CDKL5: variants seen among roughly 807,000 people sequenced by gnomAD.
CDKL5 encodes cyclin-dependent kinase-like 5.
CDKL5 carries 8 observed loss-of-function variants against 61.7 expected under a neutral mutation model. The ratio of observed to expected loss-of-function variants is 0.13; its 90% CI spans 0.08 to 0.23. The LOEUF is 0.23. Among genes scored for constraint, CDKL5 ranks in the 10% least tolerant of loss-of-function variants. CDKL5 has a pLI of 1.00. For synonymous variants in CDKL5, 275 were observed against 272.3 expected (o/e 1.01, Z -0.10); for missense variants, 440 against 734.5 (o/e 0.60, Z 4.63).
intron 1 of CDKL5, among the ~76,000 whole-genome samples, chrX:18,477,855 A>G (rs982748089): frequency 8.9e-6 from 1 of 112,332 alleles, no homozygotes; most frequent in African/African-American, 3.2e-5. Context: ...AAGGAGAGGA[A>G]GTATATATTT....
At chrX:18,613,730 C>G (rs1223728734) in intron 15 of CDKL5, among the ~76,000 whole-genome samples, 1 of 111,288 alleles carries the variant, frequency 9.0e-6, no homozygotes, top group Non-Finnish European at 1.9e-5. Flanking sequence ...AGAAGGGAGC[C>G]AGGGTTCAAA....
intron 1 of CDKL5, among the ~76,000 whole-genome samples, chrX:18,451,603 A>G (rs1420070786): frequency 9.0e-6 from 1 of 111,507 alleles, no homozygotes; most frequent in African/African-American, 3.3e-5. Context: ...CAGTGGCATG[A>G]TCTTGGCTCC....
chrX:18,593,460 A>G (rs1021867002), intron 9 of CDKL5, among the ~76,000 whole-genome samples: 1 of 111,562 alleles, frequency 9.0e-6, no homozygotes, highest in Non-Finnish European at 1.9e-5. Flanking sequence ...AAATATTAAC[A>G]TGTACTGGTA....
chrX:18,652,020 T>G (rs1301193871), intron 21 of CDKL5, among the ~76,000 whole-genome samples: 1 of 109,970 alleles, frequency 9.1e-6, no homozygotes, highest in African/African-American at 3.3e-5. Flanking sequence ...CCCCAGGTGC[T>G]ACCTCCCCAG....
intron 10 of CDKL5, among the ~76,000 whole-genome samples, chrX:18,598,074 A>G (rs1926061531): frequency 8.9e-6 from 1 of 111,798 alleles, no homozygotes; most frequent in South Asian, 3.7e-4. Flanking sequence ...GGAACTGGGT[A>G]TCTGGGGGAT....
chrX:18,433,289 C>T (rs1318378125), intron 1 of CDKL5, among the ~76,000 whole-genome samples: 3 of 107,991 alleles, frequency 2.8e-5, no homozygotes, highest in Non-Finnish European at 3.8e-5. Context: ...TGGTGGCTCA[C>T]GCCTGTAATC....
Position 18,531,768 on chromosome X carries a change from G to A in CDKL5, c.99+20914G>A, listed in dbSNP as rs906741478. On this transcript the variant is annotated intron_variant, in intron 3 of 17. Coordinates refer to ENST00000623535, the MANE Select transcript of CDKL5 (RefSeq NM_001323289.2). The stretch of plus-strand genomic sequence containing the variant: ...AGGCCGGACTGCGGACTGCAGTGGC[G>A]CAATCTCGGCTCACTGCAAGCTCTG... Among the ~76,000 whole-genome samples, 11 of 106,975 alleles carry A rather than the reference G, an allele frequency of 1.0e-4. 1 individual carries two copies. Among genetic ancestry groups the A allele is most frequent in the Non-Finnish European group, 1.9e-4 (10 of 52,224 alleles). 92.9% of individuals were successfully genotyped at this position (106,975 alleles called of 115,157 possible).
At chrX:18,641,940 G>A, downstream of CDKL5, 2 of 1,136,084 alleles carry the variant, frequency 1.8e-6, no homozygotes, top group Admixed American at 4.6e-5. Flanking sequence ...TGGTGTGTGA[G>A]GGGGTCCCCT....
chrX:18,461,177 G>A (rs3819623), intron 1 of CDKL5, among the ~76,000 whole-genome samples: 2,570 of 111,956 alleles, frequency 0.023, 70 homozygotes, highest in East Asian at 0.19. Flanking sequence ...TTTTTGTACC[G>A]GTCTTTTGGT....
intron 15 of CDKL5, among the ~76,000 whole-genome samples, chrX:18,616,638 AG>A (rs1926725322): frequency 9.0e-6 from 1 of 110,534 alleles, no homozygotes; most frequent in East Asian, 2.8e-4. Flanking sequence ...AAAAAAAAAA[AG>A]AAAGAAATCC....
At chrX:18,551,770 G>A (rs1924399498) in intron 3 of CDKL5, among the ~76,000 whole-genome samples, 1 of 106,964 alleles carries the variant, frequency 9.3e-6, no homozygotes, top group Admixed American at 1.0e-4. Flanking sequence ...TAGTGTGTGT[G>A]TGTGCAGAGA....
intron 11 of CDKL5, among the ~76,000 whole-genome samples, chrX:18,601,875 G>A (rs1003548829): frequency 5.4e-5 from 6 of 111,791 alleles, no homozygotes; most frequent in Non-Finnish European, 1.1e-4. Context: ...GTGAGCTGAG[G>A]ACGTTTCCCA....
chrX:18,609,099 G>C (rs1474764716), intron 13 of CDKL5, among the ~76,000 whole-genome samples, 187 bp downstream of exon 13: 1 of 111,928 alleles, frequency 8.9e-6, no homozygotes, highest in Non-Finnish European at 1.9e-5. Flanking sequence ...GATTGATTAG[G>C]TACGGTTCTA....
At chrX:18,481,821 G>T (rs189501408) in intron 1 of CDKL5, among the ~76,000 whole-genome samples, 1 of 110,890 alleles carries the variant, frequency 9.0e-6, no homozygotes, top group Admixed American at 9.7e-5. Flanking sequence ...GGGTAGAGGT[G>T]CTGCCCTATA....
At chrX:18,517,418 T>C (rs1923063842) in intron 3 of CDKL5, among the ~76,000 whole-genome samples, 1 of 111,846 alleles carries the variant, frequency 8.9e-6, no homozygotes, top group Non-Finnish European at 1.9e-5. Flanking sequence ...TAAGTTAACA[T>C]TCTTATTTAT....
intron 1 of CDKL5, among the ~76,000 whole-genome samples, chrX:18,463,888 A>G (rs1328384593): frequency 8.9e-6 from 1 of 112,150 alleles, no homozygotes; most frequent in Non-Finnish European, 1.9e-5. Context: ...CTCCTTTAAA[A>G]TAGGCAGCTA....
intron 3 of CDKL5, among the ~76,000 whole-genome samples, chrX:18,540,737 G>A (rs1207424110): frequency 9.4e-6 from 1 of 106,820 alleles, no homozygotes; most frequent in Non-Finnish European, 1.9e-5. Flanking sequence ...CTCCAGGCTG[G>A]AGTGCAGTGG....
chrX:18,426,833 A>G (rs1931377825), intron 1 of CDKL5: 1 of 112,632 alleles, frequency 8.9e-6, no homozygotes, highest in African/African-American at 3.2e-5. Context: ...GTTTTAGGTA[A>G]CATCTGCTGG....
chrX:18,489,562 T>C (rs1005956283), intron 1 of CDKL5, among the ~76,000 whole-genome samples: 1 of 111,039 alleles, frequency 9.0e-6, no homozygotes, highest in Non-Finnish European at 1.9e-5. Context: ...ACCCAAATCA[T>C]AGAAGGGAGA....
Sources: allele counts gnomAD v4.1 joint callset (sites outside exome capture counted in the v4.1 genomes callset), GRCh38; gene constraint gnomAD v4.1.1; transcripts MANE v1.5; gene names NCBI Gene and HGNC (gene_info 2026-07-23, HGNC 2026-07-21).